Variants in IQSEC2 observed in about 807,000 individuals in gnomAD.
IQSEC2 encodes the protein IQ motif and SEC7 domain-containing protein 2.
Under a neutral mutation model 74.6 loss-of-function variants are expected in IQSEC2, and 6 were observed. The ratio of observed to expected loss-of-function variants is 0.08; its 90% CI spans 0.04 to 0.16. The LOEUF (loss-of-function observed/expected upper bound fraction) is 0.16. IQSEC2 is among the 10% of genes least tolerant of loss of function. The pLI, the probability that IQSEC2 is intolerant of heterozygous loss-of-function variation, is 1.00. For missense variants in IQSEC2, 734 were observed against 1,306.2 expected, an observed-to-expected ratio of 0.56 and a Z score of 6.75; for synonymous variants, 494 against 544.5, an observed-to-expected ratio of 0.91 and a Z score of 1.29.
chrX:53,289,970 G>C (rs2075079015), intron 2 of IQSEC2, among the ~76,000 whole-genome samples: 1 of 112,016 alleles, frequency 8.9e-6, no homozygotes, highest in Admixed American at 9.5e-5. Flanking sequence ...TAGTATGTGA[G>C]GAACAAATGG....
At chrX:53,291,402 C>T (rs12557895) in intron 2 of IQSEC2, among the ~76,000 whole-genome samples, 1,636 of 111,658 alleles carry the variant, frequency 0.015, 15 homozygotes, top group South Asian at 0.048. Flanking sequence ...CAAGCACACA[C>T]AAAAAAATTT....
In IQSEC2 at chrX:53,289,320, G is replaced by A. The variant is rs1010506077; in HGVS notation, c.737+2575C>T. On this transcript the variant is annotated intron_variant, in intron 2 of 14. Coordinates refer to ENST00000642864, the MANE Select transcript of IQSEC2 (RefSeq NM_001111125.3). The stretch of plus-strand genomic sequence containing the variant: ...TGCCCTTCCTAGGCCACAGAGCCTC[G>A]CCTCTCTCCTCCAACTTCCCCAGCT... Among the ~76,000 whole-genome samples, 7 of 110,723 alleles carry A rather than the reference G, an allele frequency of 6.3e-5. No individual in the cohort carries two copies. The East Asian group carries it at 1.4e-3, about 23-fold the overall frequency.
intron 8 of IQSEC2, among the ~76,000 whole-genome samples, chrX:53,245,501 G>A (rs2074291164): frequency 9.1e-6 from 1 of 110,074 alleles, no homozygotes; most frequent in African/African-American, 3.3e-5. Context: ...CCTTGGAAAT[G>A]TCACATCTCC....
At chrX:53,293,363 T>G (rs2075121098) in intron 1 of IQSEC2, among the ~76,000 whole-genome samples, 1 of 112,094 alleles carries the variant, frequency 8.9e-6, no homozygotes, top group Non-Finnish European at 1.9e-5. Flanking sequence ...CCTAGCACAG[T>G]GCCTGGCACA....
intron 2 of IQSEC2, among the ~76,000 whole-genome samples, chrX:53,285,664 C>T (rs1209416399): frequency 5.3e-5 from 6 of 112,634 alleles, no homozygotes; most frequent in African/African-American, 9.7e-5. Flanking sequence ...TAATCTCTCT[C>T]ACTTAGGTTT....
chrX:53,244,958 C>G (rs1381113408), intron 8 of IQSEC2, among the ~76,000 whole-genome samples: 2 of 108,711 alleles, frequency 1.8e-5, no homozygotes, highest in African/African-American at 3.3e-5. Context: ...CACACACACC[C>G]ACACACACAC....
At chrX:53,306,196 C>G (rs2075260652) in intron 1 of IQSEC2, among the ~76,000 whole-genome samples, 1 of 111,636 alleles carries the variant, frequency 9.0e-6, no homozygotes, top group Non-Finnish European at 1.9e-5. Context: ...CCATCTCTGG[C>G]CCACTTGCTC....
intron 14 of IQSEC2, 26 bp downstream of exon 14, chrX:53,235,757 C>T (rs1452891288): frequency 1.1e-5 from 13 of 1,162,161 alleles, no homozygotes; most frequent in Admixed American, 5.2e-5. Flanking sequence ...ATGCAGAGGA[C>T]GAGTGGGGCA....
rs186488905 is a variant in IQSEC2 at position 53,242,122 on chromosome X, T to C, written c.2890-213A>G. ...TTTCTTGCCCAGCTCTGCATGGTCA[T>C]ATTTCAACTCCCTTTCAAATTTCCA... On this transcript the variant is annotated intron_variant, in intron 9 of 14. Transcript: ENST00000642864. Among the ~76,000 whole-genome samples, 467 of 111,662 alleles carry C rather than the reference T, an allele frequency of 4.2e-3. 3 individuals are homozygous for C. Among genetic ancestry groups the C allele is most frequent in the African/African-American group, 0.015 (447 of 30,719 alleles).
rs782625023 is a variant in IQSEC2, at chrX:53,250,266, G to A, written c.2297+13C>T. 6 of 1,208,027 alleles carry A rather than the reference G, an allele frequency of 5.0e-6. No homozygotes were observed. The East Asian group carries it at 8.9e-5, about 18-fold the overall frequency. ...TAGGAAGGGGTAAGCAGGCTAGAAC[G>A]GGGAGCACGCACTTGTTGAAGAGGT... On this transcript the variant is annotated intron_variant, in intron 5 of 14. Coordinates refer to ENST00000642864, the MANE Select transcript of IQSEC2 (RefSeq NM_001111125.3).
chrX:53,260,775 A>G (rs1450046162), intron 2 of IQSEC2, among the ~76,000 whole-genome samples: 7 of 111,694 alleles, frequency 6.3e-5, no homozygotes, highest in Non-Finnish European at 1.3e-4. Context: ...CTTGAAACTT[A>G]CCAAGGCAGG....
intron 1 of IQSEC2, among the ~76,000 whole-genome samples, chrX:53,296,719 C>T (rs1272465736): frequency 9.1e-6 from 1 of 110,478 alleles, no homozygotes; most frequent in East Asian, 2.9e-4. Context: ...TGCCACCATG[C>T]CCAGCTAATT....
At chrX:53,252,431 A>AT (rs781864898) in intron 4 of IQSEC2, among the ~76,000 whole-genome samples, 9 of 110,956 alleles carry the variant, frequency 8.1e-5, no homozygotes, top group African/African-American at 2.3e-4. Context: ...ATTAAAAAAA[A>AT]TTTTTTTAAT....
chrX:53,307,565 A>G (rs2075277191), intron 1 of IQSEC2, among the ~76,000 whole-genome samples: 1 of 109,840 alleles, frequency 9.1e-6, no homozygotes, highest in Non-Finnish European at 1.9e-5. Context: ...ACATTCCCAA[A>G]CAAGAAAACA....
chrX:53,306,408 G>A (rs943807506), intron 1 of IQSEC2, among the ~76,000 whole-genome samples: 4 of 111,037 alleles, frequency 3.6e-5, no homozygotes, highest in African/African-American at 1.3e-4. Flanking sequence ...CTGAGGGCTC[G>A]CTTGACTCCA....
chrX:53,293,839 A>G (rs2075125684), intron 1 of IQSEC2, among the ~76,000 whole-genome samples: 1 of 112,326 alleles, frequency 8.9e-6, no homozygotes, highest in Non-Finnish European at 1.9e-5. Context: ...AGTACCTACT[A>G]TGTACCAGGC....
intron 9 of IQSEC2, 96 bp from the exon 10 acceptor site, chrX:53,242,005 C>G: frequency 1.9e-6 from 2 of 1,030,820 alleles, no homozygotes; most frequent in South Asian, 4.0e-5. Flanking sequence ...GTTTACCACT[C>G]ATACATGTGT....
intron 1 of IQSEC2, among the ~76,000 whole-genome samples, chrX:53,298,345 C>T (rs2075177022): frequency 9.0e-6 from 1 of 110,928 alleles, no homozygotes; most frequent in African/African-American, 3.3e-5. Context: ...TATATACCCT[C>T]ATACCTGAGT....
intron 12 of IQSEC2, among the ~76,000 whole-genome samples, chrX:53,236,727 T>C (rs1178693480): frequency 1.9e-4 from 21 of 111,481 alleles, no homozygotes; most frequent in African/African-American, 6.9e-4. Flanking sequence ...CCTCCCTTCC[T>C]GCTCAGCCTT....
Sources: gnomAD v4.1 joint callset for allele counts (sites outside exome capture counted in the v4.1 genomes callset) on GRCh38, gnomAD v4.1.1 for gene constraint, MANE v1.5 for transcripts, NCBI Gene and HGNC (gene_info 2026-07-23, HGNC 2026-07-21) for gene names.